THRA: variants seen among roughly 807,000 people sequenced by gnomAD.
The protein encoded by THRA is EAR-7.
A neutral mutation model predicts 45.0 loss-of-function variants in THRA; 13 were observed. The observed-to-expected ratio is 0.29, with a 90% CI of 0.19 to 0.46. The LOEUF (loss-of-function observed/expected upper bound fraction) is 0.46. Among genes scored for constraint, THRA ranks in the 20% least tolerant of loss-of-function variants. The probability of loss-of-function intolerance (pLI) is 1.00; values close to 1 mark genes in which losing one functional copy is unlikely to be tolerated. For synonymous variants in THRA, 195 were observed against 214.0 expected (o/e 0.91, Z 0.78); for missense variants, 278 against 556.1 (o/e 0.50, Z 5.03).
intron 1 of THRA, among the ~76,000 whole-genome samples, chr17:40,070,347 G>C (rs548016938): frequency 6.6e-6 from 1 of 152,294 alleles, no homozygotes; most frequent in South Asian, 2.1e-4. Flanking sequence ...CAGAGAGTTG[G>C]GTGGGGCAGC....
chr17:40,065,028 A>G (rs1222497035), intron 1 of THRA, among the ~76,000 whole-genome samples: 1 of 149,672 alleles, frequency 6.7e-6, no homozygotes, highest in East Asian at 1.9e-4. Flanking sequence ...AGGCTCAGCC[A>G]CTGTGCGGGA....
At position 40,088,385 on chromosome 17, in the gene THRA, T is replaced by C; in HGVS notation, c.867T>C (p.Asn289=). 6.2e-7 allele frequency: 1 copy of C among 1,614,122 alleles called. No individual in the cohort carries two copies. The highest frequency in any genetic ancestry group is 8.5e-7 in the Non-Finnish European group (1 of 1,179,996). The stretch of plus-strand genomic sequence containing the variant: ...CTGTCAAGCGGGAGCAGCTCAAGAA[T>C]GGCGGCCTGGGCGTAGTCTCCGACG... ...EMAVKREQLK[N]GGLGVVSDAI... is the part of the protein sequence containing the mutation. Residue 289 remains asparagine (N), a synonymous_variant, in exon 8 of 9, where the codon AAT becomes AAC. Transcript: ENST00000450525.
chr17:40,092,922 A>AT lies in THRA; in HGVS notation c.*3469dup. 6.7e-7 allele frequency: 1 copy of AT among 1,494,592 alleles called. No homozygotes were observed. Among genetic ancestry groups the AT allele is most frequent in the South Asian group, 1.4e-5 (1 of 73,626 alleles). 92.6% of individuals were successfully genotyped at this position (1,494,592 alleles called of 1,614,324 possible). ...TCGGTGATGGGGGAGGGAGGCAGGT[A>AT]TTTACAAGAAGGCTCAGGGGGCCAG... On this transcript the variant is annotated 3_prime_UTR_variant, in exon 9 of 9. Coordinates refer to ENST00000450525, the MANE Select transcript of THRA (RefSeq NM_199334.5).
intron 6 of THRA, 96 bp downstream of exon 6, chr17:40,084,911 G>A (rs1162707488): frequency 8.0e-6 from 11 of 1,383,102 alleles, no homozygotes; most frequent in Non-Finnish European, 1.0e-5. Context: ...TCTTCTTAGT[G>A]TAATCCAACC....
intron 2 of THRA, 45 bp from the exon 3 acceptor site, chr17:40,076,826 A>G (rs1255848713): frequency 6.3e-7 from 1 of 1,597,266 alleles, no homozygotes; most frequent in Non-Finnish European, 8.6e-7. Flanking sequence ...GAAAGGGGCT[A>G]CTCGAAGACT....
Position 40,089,786 on chromosome 17 carries a change from G to T in THRA, c.*330G>T. 8.6e-7 allele frequency: 1 copy of T among 1,167,642 alleles called. No individual in the cohort carries two copies. Among genetic ancestry groups the T allele is most frequent in the Non-Finnish European group, 1.1e-6 (1 of 938,006 alleles). The allele number at this position is 1,167,642 out of a possible 1,614,324, so 72.3% of individuals were successfully genotyped here. On this transcript the variant is annotated 3_prime_UTR_variant, in exon 9 of 9. Transcript: ENST00000450525. The surrounding 1 kb of genome is among the most constrained non-coding windows in gnomAD (Gnocchi z 6.1). The stretch of plus-strand genomic sequence containing the variant: ...GGGACAAGCCACCTTGACCGTAGGG[G>T]AAGGAGGAATGTGGGCTGGGGGAAG...
chr17:40,082,169 A>G (rs1987158921), intron 4 of THRA, among the ~76,000 whole-genome samples: 2 of 138,924 alleles, frequency 1.4e-5, no homozygotes, highest in Non-Finnish European at 3.1e-5. Context: ...TTTTAAAGTC[A>G]TTTAGCAAAA....
intron 1 of THRA, chr17:40,068,975 G>T (rs1986670512): frequency 6.6e-6 from 1 of 152,606 alleles, no homozygotes; most frequent in Non-Finnish European, 1.5e-5. Flanking sequence ...TCCTGGAACG[G>T]TACCCAGAGC....
intron 4 of THRA, among the ~76,000 whole-genome samples, chr17:40,077,845 C>T (rs1352106334): frequency 1.3e-5 from 2 of 152,092 alleles, no homozygotes; most frequent in Non-Finnish European, 2.9e-5. Flanking sequence ...TACAGGTATG[C>T]ACCTCCACAC....
At chr17:40,067,550 C>G (rs1412513466) in intron 1 of THRA, among the ~76,000 whole-genome samples, 1 of 152,220 alleles carries the variant, frequency 6.6e-6, no homozygotes, top group Non-Finnish European at 1.5e-5. Flanking sequence ...GTGGGCACAG[C>G]ACTTTGAGAT....
chr17:40,081,791 C>T (rs1247768206), intron 4 of THRA, among the ~76,000 whole-genome samples: 2 of 151,668 alleles, frequency 1.3e-5, no homozygotes, highest in Admixed American at 1.3e-4. Context: ...TGGTGAAACC[C>T]CATCTCTATA....
In THRA at chr17:40,092,207, C is replaced by G. The variant is rs1987590591; in HGVS notation, c.*2751C>G. The stretch of plus-strand genomic sequence containing the variant: ...GACTTGGGGAGGGTGGGGGAGGAGC[C>G]CCTACCCCTTCTCCTGGTGGCGGGT... On this transcript the variant is annotated 3_prime_UTR_variant, in exon 9 of 9. Transcript: ENST00000450525. 1 of 152,320 alleles carries G rather than the reference C, an allele frequency of 6.6e-6. No homozygotes were observed. The highest frequency in any genetic ancestry group is 1.9e-4 in the East Asian group (1 of 5,182). 9.4% of individuals were successfully genotyped at this position (152,320 alleles called of 1,614,324 possible). A position where few individuals can be genotyped will look rare whatever the true frequency, so the allele number is the denominator to read the frequency against.
At chr17:40,077,079 T>C (rs1426444854) in intron 3 of THRA, 141 bp downstream of exon 3, 2 of 860,274 alleles carry the variant, frequency 2.3e-6, no homozygotes, top group Non-Finnish European at 3.6e-6. Flanking sequence ...TGGACTTGTC[T>C]GGGGGTGAGA....
downstream of THRA, chr17:40,093,520 C>T (rs1205155978): frequency 7.5e-7 from 1 of 1,341,858 alleles, no homozygotes; most frequent in Non-Finnish European, 1.0e-6. The surrounding 1 kb of genome is among the most constrained non-coding windows in gnomAD (Gnocchi z 5.9). Flanking sequence ...GTAAGACCAC[C>T]TTCCCTTCCT....
At chr17:40,084,945 T>C (rs1206341389) in intron 6 of THRA, 130 bp downstream of exon 6, 1 of 1,000,244 alleles carries the variant, frequency 1.0e-6, no homozygotes, top group Non-Finnish European at 1.5e-6. Context: ...CTTCACACTT[T>C]TGCTGTCCAG....
Position 40,083,993 on chromosome 17 carries a change from C to A in THRA, c.370+11C>A. On this transcript the variant is annotated intron_variant, in intron 5 of 8. Transcript: ENST00000450525. ...GCATGGCCATGGACTGTAAGGGGCCCAGGTGGAGGGAATAGAGCCAGGTGG... is the reference window on the plus strand; with the variant it reads ...GCATGGCCATGGACTGTAAGGGGCCAAGGTGGAGGGAATAGAGCCAGGTGG... The A allele has an allele frequency of 1.2e-6, 2 of 1,605,478 alleles. No homozygotes were observed. The highest frequency in any genetic ancestry group is 1.1e-5 in the South Asian group (1 of 90,020).
intron 4 of THRA, among the ~76,000 whole-genome samples, chr17:40,078,138 A>G (rs1264142704): frequency 6.6e-6 from 1 of 152,154 alleles, no homozygotes; most frequent in Non-Finnish European, 1.5e-5. Flanking sequence ...ACCTTATAGC[A>G]TTGTTGGGAG....
At chr17:40,084,374 C>T (rs947418036) in intron 5 of THRA, 10 of 554,920 alleles carry the variant, frequency 1.8e-5, no homozygotes, top group Admixed American at 3.2e-5. Context: ...CACCATAATC[C>T]GTTAGACCAG....
At chr17:40,071,815 C>T (rs1375117654) in intron 1 of THRA, among the ~76,000 whole-genome samples, 2 of 152,220 alleles carry the variant, frequency 1.3e-5, no homozygotes, top group Non-Finnish European at 1.5e-5. Context: ...GCTGGGCCCT[C>T]TGCCTCGCCT....
Sources: allele counts gnomAD v4.1 joint callset (sites outside exome capture counted in the v4.1 genomes callset), GRCh38; gene constraint gnomAD v4.1.1; non-coding constraint Gnocchi (gnomAD v3.1); transcripts MANE v1.5; gene names NCBI Gene and HGNC (gene_info 2026-07-23, HGNC 2026-07-21).